MIGA1: variants seen among roughly 807,000 people sequenced by gnomAD.
MIGA1 encodes the protein family with sequence similarity 73, member A.
A neutral mutation model predicts 82.0 loss-of-function variants in MIGA1; 58 were observed. That is an observed-to-expected ratio of 0.71 (90% CI 0.57 to 0.88). The LOEUF (loss-of-function observed/expected upper bound fraction) is 0.88, where lower values mean the gene tolerates loss of function less well. Ranked by LOEUF, MIGA1 falls within the 40% of genes least tolerant of loss-of-function variation. The probability of loss-of-function intolerance (pLI) is 0.00; values close to 1 mark genes in which losing one functional copy is unlikely to be tolerated. For synonymous variants in MIGA1, 249 were observed against 253.6 expected, an observed-to-expected ratio of 0.98 and a Z score of 0.17; for missense variants, 751 against 749.1, an observed-to-expected ratio of 1.00 and a Z score of -0.03.
At chr1:77,820,609 G>A (rs1030333055) in intron 7 of MIGA1, among the ~76,000 whole-genome samples, 5 of 152,082 alleles carry the variant, frequency 3.3e-5, no homozygotes, top group Admixed American at 2.0e-4. Flanking sequence ...TTAGGCTGTC[G>A]TTTTTGTTGT....
chr1:77,847,731 T>G (rs959253658), intron 8 of MIGA1: 1 of 1,587,478 alleles, frequency 6.3e-7, no homozygotes, highest in Non-Finnish European at 8.6e-7. Flanking sequence ...AGTACCTAAA[T>G]GCAGCTTTCG....
At chr1:77,848,537 A>G (rs1007899743) in intron 8 of MIGA1, 2 of 1,290,590 alleles carry the variant, frequency 1.5e-6, no homozygotes, top group Admixed American at 2.1e-5. Flanking sequence ...CTTGACCAAG[A>G]AAGATCCAAC....
At chr1:77,780,013 A>C in intron 1 of MIGA1, 1 of 1,200,594 alleles carries the variant, frequency 8.3e-7, no homozygotes, top group Non-Finnish European at 1.0e-6. Context: ...CGCCAGAGGG[A>C]GGCCTGCAAA....
chr1:77,868,524 A>G (rs1393986940), intron 14 of MIGA1: 1 of 152,140 alleles, frequency 6.6e-6, no homozygotes, highest in Non-Finnish European at 1.5e-5. Context: ...ACTGCGCCCA[A>G]CCTATAACTT....
At chr1:77,843,841 G>A (rs1389486887) in intron 8 of MIGA1, among the ~76,000 whole-genome samples, 3 of 151,928 alleles carry the variant, frequency 2.0e-5, no homozygotes, top group African/African-American at 4.8e-5. Context: ...GCTTACAACT[G>A]TATTCCCAGT....
At chr1:77,810,843 A>G (rs1557905328) in intron 5 of MIGA1, 1 of 1,607,422 alleles carries the variant, frequency 6.2e-7, no homozygotes, top group Non-Finnish European at 8.5e-7. Context: ...CAGAAGTTCC[A>G]GGTTCATCAT....
intron 14 of MIGA1, among the ~76,000 whole-genome samples, chr1:77,869,719 C>T (rs1327679917): frequency 1.3e-3 from 137 of 108,666 alleles, no homozygotes; most frequent in Non-Finnish European, 1.5e-3. Flanking sequence ...ACCTCCCTCC[C>T]GGACAGGGCG....
intron 7 of MIGA1, among the ~76,000 whole-genome samples, chr1:77,842,285 T>A (rs944324622): frequency 5.9e-5 from 9 of 152,222 alleles, no homozygotes; most frequent in Non-Finnish European, 1.5e-5. Context: ...ATTAGATTCC[T>A]GATAACAGTA....
intron 8 of MIGA1, among the ~76,000 whole-genome samples, chr1:77,850,316 C>T (rs1684999633): frequency 6.6e-6 from 1 of 152,166 alleles, no homozygotes; most frequent in African/African-American, 2.4e-5. Flanking sequence ...CTGTTGGTTA[C>T]ACAGGTTAGC....
At chr1:77,811,914 G>A (rs1683353958) in intron 5 of MIGA1, 32 of 1,425,594 alleles carry the variant, frequency 2.2e-5, no homozygotes, top group Non-Finnish European at 2.7e-5. Context: ...GCCACCTGCC[G>A]AGGAGCCGCC....
intron 14 of MIGA1, among the ~76,000 whole-genome samples, chr1:77,867,085 C>G (rs1685698495): frequency 6.6e-6 from 1 of 152,088 alleles, no homozygotes; most frequent in African/African-American, 2.4e-5. Flanking sequence ...GGAGCCCCTA[C>G]AAATAAAAAG....
chr1:77,830,350 A>T, intron 7 of MIGA1, among the ~76,000 whole-genome samples: 1 of 152,208 alleles, frequency 6.6e-6, no homozygotes, highest in East Asian at 1.9e-4. Flanking sequence ...TTGTCATTAT[A>T]AGTGGTTATC....
intron 2 of MIGA1, among the ~76,000 whole-genome samples, chr1:77,785,482 TAC>T (rs1054281537): frequency 3.3e-5 from 5 of 152,158 alleles, no homozygotes; most frequent in African/African-American, 1.2e-4. Context: ...TAGCTGGGAT[TAC>T]AGACATGTGC....
chr1:77,866,685 ATT>A (rs67081783), intron 14 of MIGA1, among the ~76,000 whole-genome samples: 3,880 of 129,040 alleles, frequency 0.03, 72 homozygotes, highest in South Asian at 0.11. Context: ...AATGATATTA[ATT>A]TTTTTTTTTT....
intron 7 of MIGA1, among the ~76,000 whole-genome samples, chr1:77,823,270 A>C (rs1431462444): frequency 3.3e-5 from 5 of 151,668 alleles, no homozygotes; most frequent in Admixed American, 3.3e-4. Flanking sequence ...ATTGTGAATT[A>C]TTTGGGGTTA....
chr1:77,786,401 A>T (rs1483786359), intron 2 of MIGA1, among the ~76,000 whole-genome samples: 1 of 152,254 alleles, frequency 6.6e-6, no homozygotes, highest in African/African-American at 2.4e-5. Context: ...AAATTTCTGC[A>T]GCCTGCTTGA....
At chr1:77,864,188 C>T (rs1256658115) in intron 13 of MIGA1, among the ~76,000 whole-genome samples, 160 bp downstream of exon 13, 1 of 150,702 alleles carries the variant, frequency 6.6e-6, no homozygotes, top group Non-Finnish European at 1.5e-5. Context: ...TGGTGAAACC[C>T]CATCTCTACT....
At chr1:77,874,627 G>C (rs1012640433) in intron 15 of MIGA1, among the ~76,000 whole-genome samples, 1 of 151,952 alleles carries the variant, frequency 6.6e-6, no homozygotes, top group African/African-American at 2.4e-5. Context: ...TAGTAAGTAG[G>C]GTGGGTGGTA....
chr1:77,818,157 C>T (rs2101813862), intron 7 of MIGA1, among the ~76,000 whole-genome samples: 3 of 146,854 alleles, frequency 2.0e-5, no homozygotes, highest in South Asian at 4.3e-4. Context: ...GAGTTTTGCT[C>T]TTGTTGCCCA....
Sources: allele counts gnomAD v4.1 joint callset (sites outside exome capture counted in the v4.1 genomes callset), GRCh38; gene constraint gnomAD v4.1.1; transcripts MANE v1.5; gene names NCBI Gene and HGNC (gene_info 2026-07-23, HGNC 2026-07-21).